The following DVL2 variants were observed in gnomAD, a reference collection of about 807,000 sequenced individuals.
DVL2 encodes the protein dishevelled segment polarity protein 2.
A neutral mutation model predicts 69.8 loss-of-function variants in DVL2; 38 were observed. That is an observed-to-expected ratio of 0.54 (90% CI 0.42 to 0.71). The LOEUF (loss-of-function observed/expected upper bound fraction) is 0.71. Among genes scored for constraint, DVL2 ranks in the 30% least tolerant of loss-of-function variants. DVL2 has a pLI of 0.00. For synonymous variants in DVL2, 428 were observed against 392.4 expected (o/e 1.09, Z -1.07); for missense variants, 931 against 1,008.1 (o/e 0.92, Z 1.04).
At chr17:7,227,612 G>A in intron 11 of DVL2, 43 bp downstream of exon 11, 1 of 1,614,124 alleles carries the variant, frequency 6.2e-7, no homozygotes, top group Non-Finnish European at 8.5e-7. Flanking sequence ...CTGCGGGACA[G>A]CCTTCTGCTG....
intron 14 of DVL2, 49 bp downstream of exon 14, chr17:7,226,372 C>CT: frequency 1.3e-6 from 2 of 1,531,060 alleles, no homozygotes; most frequent in Non-Finnish European, 1.8e-6. Flanking sequence ...TGGCTCCCCT[C>CT]TCATCCACCC....
intron 9 of DVL2, 83 bp from the exon 10 acceptor site, chr17:7,228,127 A>C: frequency 8.8e-7 from 1 of 1,135,676 alleles, no homozygotes; most frequent in Non-Finnish European, 1.3e-6. Context: ...GGATGGATTA[A>C]GAGACACAAA....
chr17:7,226,638 G>A lies in DVL2; in HGVS notation c.1545C>T (p.Tyr515=), dbSNP rs1216791327. ...TGTCATTGAGAGACAGGTTGACTAG[G>A]TCTGGAAAGCAAGGGAAGAGAGGAA... ...FGDLSGGCES[Y]LVNLSLNDND... The change falls in exon 14 of 15, where the codon TAC becomes TAT. Residue 515 remains tyrosine (Y), a splice_region_variant and synonymous_variant. Coordinates refer to ENST00000005340, the MANE Select transcript of DVL2 (RefSeq NM_004422.3). 5 of 1,550,432 alleles carry A rather than the reference G, an allele frequency of 3.2e-6. No homozygotes were observed. The highest frequency in any genetic ancestry group is 4.3e-6 in the Non-Finnish European group (5 of 1,151,630).
chr17:7,230,267 A>G lies in DVL2; in HGVS notation c.410+18T>C, dbSNP rs1350297966. The G allele has an allele frequency of 8.7e-6, 14 of 1,613,840 alleles. No individual in the cohort carries two copies. Among genetic ancestry groups the G allele is most frequent in the Non-Finnish European group, 1.2e-5 (14 of 1,179,932 alleles). ...TCCTCACCTCCCTCCCCTGCAGTCA[A>G]GAATCTGAAGGACTCACTGGAAGGA... On this transcript the variant is annotated intron_variant, in intron 3 of 14. Transcript: ENST00000005340.
Position 7,227,266 on chromosome 17 carries a change from G to A in DVL2, c.1367C>T (p.Ser456Leu), listed in dbSNP as rs374646432. Residue 456 changes from serine to leucine, a missense_variant, in exon 13 of 15, where the codon TCG (serine) becomes TTG (leucine). By Grantham distance (145) the Ser-to-Leu change is moderately radical (BLOSUM62 -2). This residue lies in a region of DVL2 where 62 missense variants were observed against 105.7 expected (regional missense o/e 0.59). Transcript: ENST00000005340. ...ATGGTAGAGCCAGTCAACCACATCC[G>A]AGCCTGGGAGCACCCACAGTGGAAA... ...KITIPNAFLGSDVVDWLYHHV... is the reference protein window; with the variant it reads ...KITIPNAFLGLDVVDWLYHHV... 20 of 1,607,126 alleles carry A rather than the reference G, an allele frequency of 1.2e-5. No individual in the cohort carries two copies. The highest frequency in any genetic ancestry group is 4.5e-5 in the East Asian group (2 of 44,780).
chr17:7,233,495 G>A (rs2071579564), intron 1 of DVL2, among the ~76,000 whole-genome samples: 1 of 152,134 alleles, frequency 6.6e-6, no homozygotes, highest in African/African-American at 2.4e-5. Context: ...CCAGGCTGGA[G>A]TGCAGTGGCG....
intron 1 of DVL2, among the ~76,000 whole-genome samples, chr17:7,232,469 T>C (rs1188332030): frequency 6.6e-6 from 1 of 152,228 alleles, no homozygotes; most frequent in Non-Finnish European, 1.5e-5. Flanking sequence ...AATTATTCTG[T>C]ATCACCATAA....
rs954462558 is a variant in DVL2, at chr17:7,227,645, G to A, written c.1231+10C>T. The A allele has an allele frequency of 1.9e-6, 3 of 1,614,070 alleles. No homozygotes were observed. The African/African-American group carries it at 4.0e-5, about 22-fold the overall frequency. On this transcript the variant is annotated intron_variant, in intron 11 of 14. Transcript: ENST00000005340. ...CTGGGAGGGTGGGATGAGGTGGGCT[G>A]GCGGCTCACCATCAGGCAAAGACGA...
intron 1 of DVL2, among the ~76,000 whole-genome samples, chr17:7,233,444 GTTT>G (rs1376032571): frequency 2.0e-5 from 3 of 151,798 alleles, no homozygotes; most frequent in Non-Finnish European, 4.4e-5. Context: ...TGGCCCAAGT[GTTT>G]TTTGTTTTTT....
At chr17:7,231,420 G>A (rs905502837) in intron 1 of DVL2, among the ~76,000 whole-genome samples, 3 of 136,684 alleles carry the variant, frequency 2.2e-5, no homozygotes, top group Non-Finnish European at 4.5e-5. Context: ...TCGAGATCGC[G>A]CCACTGCATT....
At chr17:7,231,426 G>T (rs1180934886) in intron 1 of DVL2, among the ~76,000 whole-genome samples, 1 of 137,508 alleles carries the variant, frequency 7.3e-6, no homozygotes, top group Non-Finnish European at 1.5e-5. Context: ...TCGCGCCACT[G>T]CATTCCAGCC....
intron 1 of DVL2, among the ~76,000 whole-genome samples, chr17:7,231,023 T>C (rs2071535151): frequency 6.6e-6 from 1 of 152,198 alleles, no homozygotes; most frequent in Non-Finnish European, 1.5e-5. Flanking sequence ...AGGGGCACAG[T>C]GCTGCTCCAA....
rs780534485 is a variant in DVL2 at position 7,227,482 on chromosome 17, C to T, written c.1285G>A (p.Ala429Thr). ...AGTCCAGACTCTGGAGCTGCCATGG[C>T]CTTGGTCACCGATGCCATGTCCGTA... ...VHTDMASVTK[A>T]MAAPESGLEV... The change falls in exon 12 of 15, where the codon GCC becomes ACC. Residue 429 changes from alanine (A) to threonine (T), a missense_variant. This residue lies in a region of DVL2 where 555 missense variants were observed against 588.8 expected (regional missense o/e 0.94). Coordinates refer to ENST00000005340, the MANE Select transcript of DVL2 (RefSeq NM_004422.3). 2.5e-6 allele frequency: 4 copies of T among 1,614,094 alleles called. No homozygotes were observed. The highest frequency in any genetic ancestry group is 3.4e-6 in the Non-Finnish European group (4 of 1,180,046).
rs767624405 is a variant in DVL2 at position 7,229,980 on chromosome 17, C to G, written c.521-37G>C. The G allele has an allele frequency of 1.2e-6, 2 of 1,609,416 alleles. No homozygotes were observed. Among genetic ancestry groups the G allele is most frequent in the Non-Finnish European group, 1.7e-6 (2 of 1,179,660 alleles). On this transcript the variant is annotated intron_variant, in intron 4 of 14. Coordinates refer to ENST00000005340, the MANE Select transcript of DVL2 (RefSeq NM_004422.3). This position sits in a 1 kb window ranked among gnomAD's most constrained non-coding sequence, Gnocchi z 4.4. ...CAGGAAGCTCAAGAACCAAGCTTCC[C>G]CCTGCTCACCCCACCAAGGCTGGGG... is the stretch of plus-strand genomic sequence containing the variant.
At chr17:7,233,741 T>C (rs933334052) in intron 1 of DVL2, among the ~76,000 whole-genome samples, 4 of 152,146 alleles carry the variant, frequency 2.6e-5, no homozygotes, top group African/African-American at 9.7e-5. Context: ...ACAGGACTCC[T>C]GAGAACGTAC....
intron 2 of DVL2, 46 bp from the exon 3 acceptor site, chr17:7,230,476 G>C: frequency 1.2e-6 from 2 of 1,604,026 alleles, no homozygotes; most frequent in Non-Finnish European, 1.7e-6. Context: ...GGGAGTCAGG[G>C]TGTGACAGGT....
In DVL2 at chr17:7,226,455, A is replaced by G. The variant is rs1597544378; in HGVS notation, c.1728T>C (p.Tyr576=). ...PPYHELSSYT[Y]GGGSASSQHS... ...GCTGGCTGCTGGCACTGCCCCCACCATAGGTGTAAGATGAAAGCTCATGGT... is the reference window on the plus strand; with the variant it reads ...GCTGGCTGCTGGCACTGCCCCCACCGTAGGTGTAAGATGAAAGCTCATGGT... The change falls in exon 14 of 15, where the codon TAT becomes TAC. Residue 576 remains tyrosine, a synonymous_variant. Coordinates refer to ENST00000005340, the MANE Select transcript of DVL2 (RefSeq NM_004422.3). 1 of 1,549,950 alleles carries G rather than the reference A, an allele frequency of 6.5e-7. No individual in the cohort carries two copies. The highest frequency in any genetic ancestry group is 8.7e-7 in the Non-Finnish European group (1 of 1,148,656).
chr17:7,230,209 C>A, intron 3 of DVL2, 54 bp from the exon 4 acceptor site: 3 of 1,610,432 alleles, frequency 1.9e-6, no homozygotes, highest in Non-Finnish European at 2.5e-6. Context: ...GGCTCCGGAT[C>A]CTAGGCGTCC....
In DVL2 at chr17:7,227,994, T is replaced by A. The variant is rs773689180; in HGVS notation, c.1085A>T (p.Tyr362Phe). 1 of 1,567,982 alleles carries A rather than the reference T, an allele frequency of 6.4e-7. No homozygotes were observed. Among genetic ancestry groups the A allele is most frequent in the East Asian group, 2.2e-5 (1 of 44,508 alleles). Residue 362 changes from tyrosine to phenylalanine, a missense_variant, in exon 10 of 15, where the codon TAT becomes TTT. Coordinates refer to ENST00000005340, the MANE Select transcript of DVL2 (RefSeq NM_004422.3). Reference protein sequence around the residue: ...AKCWDPSPQAYFTLPRNEPIQ... With the variant: ...AKCWDPSPQAFFTLPRNEPIQ... ...TCACTCACTTCGGGGGAGAGTGAAA[T>A]AGGCCTGAGGAGAGGGATCCCAGCA... is the stretch of plus-strand genomic sequence containing the variant.
Sources: allele counts gnomAD v4.1 joint callset (sites outside exome capture counted in the v4.1 genomes callset), GRCh38; gene constraint gnomAD v4.1.1; regional missense constraint gnomAD v4.1.1; non-coding constraint Gnocchi (gnomAD v3.1); transcripts MANE v1.5; gene names NCBI Gene and HGNC (gene_info 2026-07-23, HGNC 2026-07-21).